Variants in WSB2 observed in about 807,000 individuals in gnomAD.
WSB2 encodes the protein WD repeat and SOCS box-containing protein 2.
A neutral mutation model predicts 48.8 loss-of-function variants in WSB2; 12 were observed. The ratio of observed to expected loss-of-function variants is 0.25; its 90% CI spans 0.16 to 0.40. WSB2 has a LOEUF of 0.40. Ranked by LOEUF, WSB2 falls within the 10% of genes least tolerant of loss-of-function variation. The pLI, the probability that WSB2 is intolerant of heterozygous loss-of-function variation, is 1.00. For synonymous variants in WSB2, 191 were observed against 203.1 expected, an observed-to-expected ratio of 0.94 and a Z score of 0.51; for missense variants, 317 against 506.2, an observed-to-expected ratio of 0.63 and a Z score of 3.59.
chr12:118,045,973 T>C (rs1199109629), intron 2 of WSB2, among the ~76,000 whole-genome samples: 1 of 152,186 alleles, frequency 6.6e-6, no homozygotes, highest in Non-Finnish European at 1.5e-5. Context: ...CCTAGTGCAT[T>C]TCACTTAGGA....
At chr12:118,052,619 A>G in intron 1 of WSB2, 141 bp from the exon 2 acceptor site, 1 of 1,299,870 alleles carries the variant, frequency 7.7e-7, no homozygotes, top group Non-Finnish European at 1.1e-6. Flanking sequence ...GACCCAGGGC[A>G]ATAACAGCAG....
intron 4 of WSB2, among the ~76,000 whole-genome samples, chr12:118,041,892 C>T (rs958754957): frequency 6.6e-6 from 1 of 151,498 alleles, no homozygotes; most frequent in Non-Finnish European, 1.5e-5. Flanking sequence ...GTAGCTGGGA[C>T]TACAGGCGCC....
At position 118,060,941 on chromosome 12, in the gene WSB2, C is replaced by T. The variant is rs752457905; in HGVS notation, c.13+95G>A. ...CCGCCGCGTCCAGCCCCCGCCCCAC[C>T]CCGCCCAGCCCGCCCCGGGGTCGCC... is the stretch of plus-strand genomic sequence containing the variant. On this transcript the variant is annotated intron_variant, in intron 1 of 8. Transcript: ENST00000315436. This position sits in a 1 kb window ranked among gnomAD's most constrained non-coding sequence, Gnocchi z 4.1. 85 of 555,180 alleles carry T rather than the reference C, an allele frequency of 1.5e-4. No homozygotes were observed. The highest frequency in any genetic ancestry group is 1.8e-4 in the Non-Finnish European group (80 of 436,442). 34.4% of individuals were successfully genotyped at this position (555,180 alleles called of 1,614,324 possible).
At chr12:118,054,217 C>CAAAAAAAAAAAAAA (rs61421772) in intron 1 of WSB2, among the ~76,000 whole-genome samples, 5 of 56,042 alleles carry the variant, frequency 8.9e-5, no homozygotes, top group East Asian at 4.6e-4. Flanking sequence ...ACTAAAAATC[C>CAAAAAAAAAAAAAA]AAAAAAAAAA....
rs190691817 is a variant in WSB2, at chr12:118,035,512, G to A, written c.834-188C>T. On this transcript the variant is annotated intron_variant, in intron 6 of 8. Coordinates refer to ENST00000315436, the MANE Select transcript of WSB2 (RefSeq NM_018639.5). ...AAGGGTATCTCAGAAGGCTCCAGGT[G>A]TCCTGTGGATGAAGGGTTACTAACA... Among the ~76,000 whole-genome samples, 283 of 152,336 alleles carry A rather than the reference G, an allele frequency of 1.9e-3. 1 individual carries two copies. The highest frequency in any genetic ancestry group is 6.4e-3 in the African/African-American group (267 of 41,588).
intron 2 of WSB2, among the ~76,000 whole-genome samples, chr12:118,044,926 A>G (rs2031714908): frequency 6.6e-6 from 1 of 152,232 alleles, no homozygotes; most frequent in Admixed American, 6.5e-5. Flanking sequence ...AACTCAATGC[A>G]TACGTAGTTG....
rs1327297679 is a variant in WSB2 at position 118,033,780 on chromosome 12, A to C, written c.*416T>G. The C allele has an allele frequency of 5.9e-6, 1 of 169,016 alleles. No individual in the cohort carries two copies. Among genetic ancestry groups the C allele is most frequent in the Non-Finnish European group, 1.3e-5 (1 of 78,218 alleles). The allele number at this position is 169,016 out of a possible 1,614,324, so 10.5% of individuals were successfully genotyped here. On this transcript the variant is annotated 3_prime_UTR_variant, in exon 9 of 9. Transcript: ENST00000315436. ...ATGCTACCACTGCATCAGAAACACA[A>C]GGATAGGTACTAGGCAGAAGCCATC...
Position 118,035,077 on chromosome 12 carries a change from C to A in WSB2, c.961G>T (p.Ala321Ser), listed in dbSNP as rs565161300. 3.0e-5 allele frequency: 49 copies of A among 1,614,160 alleles called. No homozygotes were observed. In the South Asian group the frequency reaches 4.5e-4, roughly 15 times the overall value. Reference sequence around the variant, plus strand: ...GCAATGGGAGTTTTCAGTTCCAGGGCCCAGATCCTGAGGAGTCTGGATGGG... The same window carrying A: ...GCAATGGGAGTTTTCAGTTCCAGGGACCAGATCCTGAGGAGTCTGGATGGG... The part of the protein sequence containing the change: ...VADDRLLRIW[A>S]LELKTPIAFA... The change falls in exon 8 of 9, where the codon GCC becomes TCC. Residue 321 changes from alanine to serine, a missense_variant. This residue lies in a region of WSB2 where 189 missense variants were observed against 349.6 expected (regional missense o/e 0.54). Transcript: ENST00000315436.
At chr12:118,056,705 A>G (rs2137799558) in intron 1 of WSB2, among the ~76,000 whole-genome samples, 1 of 152,312 alleles carries the variant, frequency 6.6e-6, no homozygotes, top group South Asian at 2.1e-4. Context: ...GTTCAAGACC[A>G]GCCTGGCCAA....
chr12:118,057,313 T>C (rs4767656), intron 1 of WSB2, among the ~76,000 whole-genome samples: 37,969 of 151,996 alleles, frequency 0.25, 5,269 homozygotes, highest in East Asian at 0.55. Flanking sequence ...CTCACTCTGC[T>C]GCCCAGGCTG....
rs192876816 is a variant in WSB2 at position 118,040,785 on chromosome 12, C to T, written c.559+2056G>A. ...AGAGTAGGCCAGGCGCAGTGGCTCA[C>T]GCCTGTAATCCCAGCACTTTAGGAA... On this transcript the variant is annotated intron_variant, in intron 4 of 8. Coordinates refer to ENST00000315436, the MANE Select transcript of WSB2 (RefSeq NM_018639.5). Among the ~76,000 whole-genome samples, 11 of 151,946 alleles carry T rather than the reference C, an allele frequency of 7.2e-5. No homozygotes were observed. In the East Asian group the frequency reaches 9.7e-4, roughly 13 times the overall value.
At position 118,060,895 on chromosome 12, in the gene WSB2, G is replaced by T; in HGVS notation, c.13+141C>A. ...CGCGCACCCCCGCCGGCCCCGCGCG[G>T]ACCTCCCAGGCCGGACGCCCCCGCC... is the stretch of plus-strand genomic sequence containing the variant. On this transcript the variant is annotated intron_variant, in intron 1 of 8. Coordinates refer to ENST00000315436, the MANE Select transcript of WSB2 (RefSeq NM_018639.5). The surrounding 1 kb of genome is among the most constrained non-coding windows in gnomAD (Gnocchi z 4.1). 1 of 285,778 alleles carries T rather than the reference G, an allele frequency of 3.5e-6. No individual in the cohort carries two copies. The highest frequency in any genetic ancestry group is 5.2e-6 in the Non-Finnish European group (1 of 190,490). The allele number at this position is 285,778 out of a possible 1,614,324, so 17.7% of individuals were successfully genotyped here. A position where few individuals can be genotyped will look rare whatever the true frequency, so the allele number is the denominator to read the frequency against.
At chr12:118,044,510 G>A (rs562772821) in intron 2 of WSB2, among the ~76,000 whole-genome samples, 1 of 152,250 alleles carries the variant, frequency 6.6e-6, no homozygotes, top group East Asian at 1.9e-4. Flanking sequence ...ACTGATTAAT[G>A]AGGCTCCTTC....
intron 5 of WSB2, among the ~76,000 whole-genome samples, 185 bp from the exon 6 acceptor site, chr12:118,036,695 T>C (rs1409579668): frequency 3.9e-5 from 6 of 152,106 alleles, no homozygotes; most frequent in Non-Finnish European, 8.8e-5. Flanking sequence ...TCTGGATTCT[T>C]GAGGATTTAA....
chr12:118,061,013 C>T (rs1161092645), intron 1 of WSB2, 23 bp downstream of exon 1: 68 of 980,180 alleles, frequency 6.9e-5, no homozygotes, highest in Non-Finnish European at 7.9e-5. Flanking sequence ...CGGGCGGGAA[C>T]GGGCGCGCCC....
chr12:118,045,941 A>G (rs1375441448), intron 2 of WSB2, among the ~76,000 whole-genome samples: 1 of 152,162 alleles, frequency 6.6e-6, no homozygotes, highest in Non-Finnish European at 1.5e-5. Context: ...AAGTGAGATC[A>G]TGCAGTATTT....
At chr12:118,038,445 A>G in intron 4 of WSB2, 57 bp from the exon 5 acceptor site, 1 of 1,530,448 alleles carries the variant, frequency 6.5e-7, no homozygotes, top group Non-Finnish European at 9.0e-7. Flanking sequence ...GGAAGACTGG[A>G]GAACGGGAGA....
At chr12:118,054,215 TCCAAAAAAAAA>T (rs2031908930) in intron 1 of WSB2, among the ~76,000 whole-genome samples, 1 of 22,810 alleles carries the variant, frequency 4.4e-5, no homozygotes, top group Non-Finnish European at 8.2e-5. Context: ...CTACTAAAAA[TCCAAAAAAAAA>T]AAAAAAAAAA....
At chr12:118,045,275 G>A (rs2031723117) in intron 2 of WSB2, among the ~76,000 whole-genome samples, 1 of 151,868 alleles carries the variant, frequency 6.6e-6, no homozygotes, top group Non-Finnish European at 1.5e-5. Flanking sequence ...TGAGGCAGGA[G>A]AATGGCGTGA....
Sources: allele counts gnomAD v4.1 joint callset (sites outside exome capture counted in the v4.1 genomes callset), GRCh38; gene constraint gnomAD v4.1.1; regional missense constraint gnomAD v4.1.1; non-coding constraint Gnocchi (gnomAD v3.1); transcripts MANE v1.5; gene names NCBI Gene and HGNC (gene_info 2026-07-23, HGNC 2026-07-21).